DNAJC10: variants seen among roughly 807,000 people sequenced by gnomAD.
DNAJC10 encodes endoplasmic reticulum disulfide reductase DNAJC10.
DNAJC10 carries 101 observed loss-of-function variants against 115.0 expected under a neutral mutation model. The ratio of observed to expected loss-of-function variants is 0.88; its 90% CI spans 0.75 to 1.04. DNAJC10 has a LOEUF of 1.04. DNAJC10 is among the 50% of genes least tolerant of loss of function. The pLI is 0.00. For missense variants in DNAJC10, 981 were observed against 928.8 expected (o/e 1.06, Z -0.73); for synonymous variants, 307 against 301.5 (o/e 1.02, Z -0.19).
Position 182,728,637 on chromosome 2 carries a change from C to G in DNAJC10, c.480C>G (p.His160Gln). 1 of 1,612,598 alleles carries G rather than the reference C, an allele frequency of 6.2e-7. No homozygotes were observed. Among genetic ancestry groups the G allele is most frequent in the Non-Finnish European group, 8.5e-7 (1 of 1,179,124 alleles). ...ATTTTTACTCCCCAGGCTGTTCACA[C>G]TGCCATGATTTAGCTCCCACAGTAT... ...FVNFYSPGCS[H>Q]CHDLAPTWRD... Residue 160 changes from histidine (H) to glutamine (Q), a missense_variant, in exon 6 of 24, where the codon CAC (histidine) becomes CAG (glutamine). By Grantham distance (24) the His-to-Gln change is conservative. Transcript: ENST00000264065.
At chr2:182,741,016 T>A (rs1016787159) in intron 12 of DNAJC10, among the ~76,000 whole-genome samples, 1 of 152,164 alleles carries the variant, frequency 6.6e-6, no homozygotes, top group East Asian at 1.9e-4. Flanking sequence ...AGTCATCTAC[T>A]TTAAGATTTT....
At chr2:182,744,052 A>ATT (rs1237193832) in intron 14 of DNAJC10, among the ~76,000 whole-genome samples, 3 of 152,200 alleles carry the variant, frequency 2.0e-5, no homozygotes, top group African/African-American at 7.2e-5. Flanking sequence ...ATTATAGGCA[A>ATT]TTTCCAAACA....
Position 182,779,434 on chromosome 2 carries a change from T to G in DNAJC10, c.*2302T>G, listed in dbSNP as rs1694791709. On this transcript the variant is annotated 3_prime_UTR_variant, in exon 24 of 24. Coordinates refer to ENST00000264065, the MANE Select transcript of DNAJC10 (RefSeq NM_018981.4). ...TCTATCAGGCAGCCAGGCTTGGAAA[T>G]TAGGTCCATTTAAAGTATGTGGCTT... is the stretch of plus-strand genomic sequence containing the variant. The G allele has an allele frequency of 6.6e-6, 1 of 152,168 alleles. No homozygotes were observed. Among genetic ancestry groups the G allele is most frequent in the African/African-American group, 2.4e-5 (1 of 41,446 alleles). 9.4% of individuals were successfully genotyped at this position (152,168 alleles called of 1,614,324 possible).
intron 22 of DNAJC10, among the ~76,000 whole-genome samples, chr2:182,770,647 A>C (rs1694536581): frequency 6.6e-6 from 1 of 152,122 alleles, no homozygotes. Context: ...TGATTTTTGC[A>C]CATTGATTTT....
chr2:182,775,287 T>G, intron 22 of DNAJC10, 29 bp from the exon 23 acceptor site: 1 of 1,350,818 alleles, frequency 7.4e-7, no homozygotes, highest in Non-Finnish European at 1.0e-6. Flanking sequence ...ATTAAATACT[T>G]AAAAGATAAC....
intron 4 of DNAJC10, 71 bp downstream of exon 4, chr2:182,720,240 ACTTAG>A: frequency 8.6e-6 from 11 of 1,282,444 alleles, no homozygotes; most frequent in Non-Finnish European, 1.1e-5. Context: ...CTGTTTCACC[ACTTAG>A]CTTATATATT....
At chr2:182,739,804 C>T in intron 11 of DNAJC10, 1 of 994,450 alleles carries the variant, frequency 1.0e-6, no homozygotes, top group South Asian at 4.5e-5. Context: ...TTTTCCACTT[C>T]TAAGTTCCTC....
In DNAJC10 at chr2:182,782,153, T is replaced by G. The variant is rs1694862154; in HGVS notation, c.*5021T>G. On this transcript the variant is annotated 3_prime_UTR_variant, in exon 24 of 24. Transcript: ENST00000264065. ...TGTAAGGAAGGGGTCCCAGTTTCAGTTTTCTACATGTGGCTAGCCTGTTTT... is the reference window on the plus strand; with the variant it reads ...TGTAAGGAAGGGGTCCCAGTTTCAGGTTTCTACATGTGGCTAGCCTGTTTT... The G allele has an allele frequency of 6.6e-6, 1 of 152,158 alleles. No individual in the cohort carries two copies. Among genetic ancestry groups the G allele is most frequent in the African/African-American group, 2.4e-5 (1 of 41,440 alleles). 9.4% of individuals were successfully genotyped at this position (152,158 alleles called of 1,614,324 possible).
intron 13 of DNAJC10, 91 bp from the exon 14 acceptor site, chr2:182,743,507 A>T: frequency 1.2e-6 from 1 of 850,456 alleles, no homozygotes; most frequent in Non-Finnish European, 2.0e-6. Flanking sequence ...CTGTGTCATT[A>T]GGGCAGTGCC....
chr2:182,782,289 C>G lies in DNAJC10; in HGVS notation c.*5157C>G, dbSNP rs1438511029. 1.3e-5 allele frequency: 2 copies of G among 152,132 alleles called. No individual in the cohort carries two copies. The highest frequency in any genetic ancestry group is 2.9e-5 in the Non-Finnish European group (2 of 68,066). 9.4% of individuals were successfully genotyped at this position (152,132 alleles called of 1,614,324 possible). ...TGGCGTTATTTCTGAGGGCTGTGTT[C>G]TGTTCCATTGGTCTATAGCTCTGTT... On this transcript the variant is annotated 3_prime_UTR_variant, in exon 24 of 24. Coordinates refer to ENST00000264065, the MANE Select transcript of DNAJC10 (RefSeq NM_018981.4).
At position 182,729,005 on chromosome 2, in the gene DNAJC10, A is replaced by G. The variant is rs777993408; in HGVS notation, c.633+11A>G. ...TTTCGGTCTGGAATGGTAAGGGATA[A>G]AGTTAGCATTTTTTAAATTTGTGAA... On this transcript the variant is annotated intron_variant, in intron 7 of 23. Coordinates refer to ENST00000264065, the MANE Select transcript of DNAJC10 (RefSeq NM_018981.4). 5.6e-6 allele frequency: 9 copies of G among 1,612,762 alleles called. No individual in the cohort carries two copies. Among genetic ancestry groups the G allele is most frequent in the Non-Finnish European group, 7.6e-6 (9 of 1,179,402 alleles).
In DNAJC10 at chr2:182,728,495, C is replaced by G. The variant is rs115745907; in HGVS notation, c.419-81C>G. The G allele has an allele frequency of 1.1e-3, 989 of 922,696 alleles. 8 individuals are homozygous for G. In the African/African-American group the frequency reaches 0.015, roughly 14 times the overall value. 57.2% of individuals were successfully genotyped at this position (922,696 alleles called of 1,614,324 possible). ...TTGCATGACTTTTTAAAATTCTGAT[C>G]TCCACAAAAAGTTTTTAACTAAAAT... On this transcript the variant is annotated intron_variant, in intron 5 of 23. Transcript: ENST00000264065.
At chr2:182,763,747 T>C (rs1694344368) in intron 22 of DNAJC10, among the ~76,000 whole-genome samples, 1 of 152,178 alleles carries the variant, frequency 6.6e-6, no homozygotes, top group South Asian at 2.1e-4. Context: ...GCTCCCCCGA[T>C]GTCTCCCTCT....
At chr2:182,734,481 T>C (rs1172057992) in intron 10 of DNAJC10, among the ~76,000 whole-genome samples, 3 of 151,796 alleles carry the variant, frequency 2.0e-5, no homozygotes, top group Non-Finnish European at 3.0e-5. Flanking sequence ...CCTTGTTTCA[T>C]GGCCCAACAT....
At chr2:182,763,572 A>G (rs1694339131) in intron 22 of DNAJC10, among the ~76,000 whole-genome samples, 1 of 152,100 alleles carries the variant, frequency 6.6e-6, no homozygotes, top group Non-Finnish European at 1.5e-5. Context: ...CATTCTCAGG[A>G]GGCTGTTTTT....
Position 182,736,206 on chromosome 2 carries a change from G to C in DNAJC10, c.850-43G>C, listed in dbSNP as rs192572079. On this transcript the variant is annotated intron_variant, in intron 10 of 23. Coordinates refer to ENST00000264065, the MANE Select transcript of DNAJC10 (RefSeq NM_018981.4). ...AAGCTCTAAATCCCTTTAACTTTTT[G>C]CCTCCCATTTACAACATGGTTTGTT... 6,636 of 1,523,782 alleles carry C rather than the reference G, an allele frequency of 4.4e-3. 83 individuals are homozygous for C. The highest frequency in any genetic ancestry group is 3.4e-3 in the Non-Finnish European group (3,927 of 1,148,318). 94.4% of individuals were successfully genotyped at this position (1,523,782 alleles called of 1,614,324 possible).
chr2:182,755,644 T>C (rs1438359553), intron 17 of DNAJC10, among the ~76,000 whole-genome samples: 1 of 152,204 alleles, frequency 6.6e-6, no homozygotes, highest in East Asian at 1.9e-4. Flanking sequence ...CTGACTGTTG[T>C]AGGCTGAAGC....
intron 22 of DNAJC10, among the ~76,000 whole-genome samples, chr2:182,771,368 G>T (rs182645488): frequency 9.2e-5 from 14 of 152,158 alleles, no homozygotes; most frequent in African/African-American, 3.1e-4. Context: ...GATTCCCTCT[G>T]TTTCTATTGA....
At position 182,740,377 on chromosome 2, in the gene DNAJC10, A is replaced by T. The variant is rs200062649; in HGVS notation, c.1066A>T (p.Asn356Tyr). The T allele has an allele frequency of 3.2e-5, 50 of 1,576,644 alleles. No individual in the cohort carries two copies. The African/African-American group carries it at 5.7e-4, about 18-fold the overall frequency. Residue 356 changes from asparagine (N) to tyrosine (Y), a missense_variant, in exon 12 of 24, where the codon AAC (asparagine) becomes TAC (tyrosine). Coordinates refer to ENST00000264065, the MANE Select transcript of DNAJC10 (RefSeq NM_018981.4). ...NLPDFELLSA[N>Y]TLEDRLAHHR... ...TCCAGATTTTGAACTACTTTCGGCAAACACACTAGAGGTAATGTTTTTATT... is the reference window on the plus strand; with the variant it reads ...TCCAGATTTTGAACTACTTTCGGCATACACACTAGAGGTAATGTTTTTATT...
Sources: gnomAD v4.1 joint callset for allele counts (sites outside exome capture counted in the v4.1 genomes callset) on GRCh38, gnomAD v4.1.1 for gene constraint, MANE v1.5 for transcripts, NCBI Gene and HGNC (gene_info 2026-07-23, HGNC 2026-07-21) for gene names.